The following ARK2N variants were observed in gnomAD, a reference collection of about 807,000 sequenced individuals.
ARK2N encodes the protein arkadia (RNF111) N-terminal like PKA signaling regulator 2N.
chr18:46,238,757 A>G, the ARK2N span, among the ~76,000 whole-genome samples: 2,650 of 152,250 alleles, frequency 0.017, 71 homozygotes, highest in African/African-American at 0.06. Flanking sequence ...GTTTTAAGGG[A>G]TCACTACCCA....
At chr18:46,186,056 G>A in the ARK2N span, among the ~76,000 whole-genome samples, 1 of 152,052 alleles carries the variant, frequency 6.6e-6, no homozygotes, top group East Asian at 1.9e-4. Flanking sequence ...GGACAGGGAG[G>A]GGGGGCATTT....
chr18:46,220,624 G>A, the ARK2N span, among the ~76,000 whole-genome samples: 34 of 152,004 alleles, frequency 2.2e-4, no homozygotes, highest in Non-Finnish European at 3.7e-4. Context: ...TGCATATGTC[G>A]TCCTTTCCTT....
the ARK2N span, among the ~76,000 whole-genome samples, chr18:46,190,035 T>TTTAG: frequency 3.3e-5 from 5 of 152,206 alleles, no homozygotes; most frequent in Admixed American, 2.0e-4. Flanking sequence ...CTTCTAAATA[T>TTTAG]ATCTATCTAA....
At chr18:46,186,715 A>G in the ARK2N span, among the ~76,000 whole-genome samples, 1 of 151,426 alleles carries the variant, frequency 6.6e-6, no homozygotes, top group South Asian at 2.1e-4. Flanking sequence ...TCACTGTGTT[A>G]GCCAGGATGG....
At chr18:46,211,512 C>G in the ARK2N span, among the ~76,000 whole-genome samples, 1 of 152,132 alleles carries the variant, frequency 6.6e-6, no homozygotes, top group Non-Finnish European at 1.5e-5. Context: ...TTATACAACT[C>G]TCACAATAAG....
chr18:46,233,007 G>A, the ARK2N span: 1 of 152,092 alleles, frequency 6.6e-6, no homozygotes, highest in Non-Finnish European at 1.5e-5. Flanking sequence ...AGGTGTTCCT[G>A]AATCAAGAAA....
the ARK2N span, among the ~76,000 whole-genome samples, chr18:46,182,555 G>A: frequency 5.3e-5 from 8 of 151,962 alleles, no homozygotes; most frequent in Non-Finnish European, 1.2e-4. Context: ...ACCAGCCGGG[G>A]CAACAAAGTG....
the ARK2N span, among the ~76,000 whole-genome samples, chr18:46,206,734 C>T: frequency 6.6e-6 from 1 of 151,860 alleles, no homozygotes; most frequent in Non-Finnish European, 1.5e-5. Flanking sequence ...ACCTTTTAAC[C>T]CACTTCTCTT....
the ARK2N span, among the ~76,000 whole-genome samples, chr18:46,233,153 ATTCTTT>A: frequency 6.6e-6 from 1 of 152,152 alleles, no homozygotes. Context: ...AAAAGTCAAG[ATTCTTT>A]TTCTTTAAAC....
the ARK2N span, chr18:46,219,278 T>C: frequency 1.3e-5 from 2 of 152,156 alleles, no homozygotes; most frequent in East Asian, 3.8e-4. Flanking sequence ...TTTGAAGTTT[T>C]TGGAAATATA....
chr18:46,213,257 C>T, the ARK2N span, among the ~76,000 whole-genome samples: 1 of 152,076 alleles, frequency 6.6e-6, no homozygotes, highest in East Asian at 1.9e-4. Context: ...GCCTCGGCCT[C>T]CCAAAGTGCT....
At chr18:46,236,753 T>A in the ARK2N span, among the ~76,000 whole-genome samples, 2 of 152,230 alleles carry the variant, frequency 1.3e-5, no homozygotes, top group Admixed American at 6.5e-5. Context: ...GGAATAATCA[T>A]GTCAGAGCAA....
the ARK2N span, among the ~76,000 whole-genome samples, chr18:46,259,896 TGTGC>T: frequency 3.5e-4 from 30 of 85,412 alleles, 2 homozygotes; most frequent in Non-Finnish European, 4.4e-4. Context: ...TGTGTGTGTG[TGTGC>T]GACAGAGATG....
the ARK2N span, among the ~76,000 whole-genome samples, chr18:46,186,953 C>G: frequency 2.0e-5 from 3 of 151,368 alleles, no homozygotes; most frequent in Non-Finnish European, 4.4e-5. Flanking sequence ...CTCCCGGATT[C>G]AAGTGATTCT....
chr18:46,240,194 C>T, the ARK2N span: 1 of 1,613,950 alleles, frequency 6.2e-7, no homozygotes. Context: ...GCAGGTTGGT[C>T]TTCCCCATCC....
the ARK2N span, among the ~76,000 whole-genome samples, chr18:46,236,776 C>T: frequency 2.0e-5 from 3 of 151,804 alleles, no homozygotes; most frequent in Admixed American, 1.3e-4. Context: ...GCAGTATCCC[C>T]GTGTTTATTC....
At chr18:46,239,960 C>T in the ARK2N span, 1 of 1,567,612 alleles carries the variant, frequency 6.4e-7, no homozygotes. Flanking sequence ...AAGTATTTTT[C>T]ACCCCACACG....
the ARK2N span, among the ~76,000 whole-genome samples, chr18:46,208,908 G>A: frequency 6.6e-6 from 1 of 152,180 alleles, no homozygotes; most frequent in Admixed American, 6.5e-5. Context: ...GGTAATATTA[G>A]TATGTAATTT....
the ARK2N span, among the ~76,000 whole-genome samples, chr18:46,187,912 ACTG>A: frequency 9.7e-3 from 1,479 of 152,296 alleles, 22 homozygotes; most frequent in African/African-American, 0.034. Flanking sequence ...TTTAGACTAA[ACTG>A]CTATGAGGCT....
Sources: allele counts gnomAD v4.1 joint callset (sites outside exome capture counted in the v4.1 genomes callset), GRCh38; gene constraint gnomAD v4.1.1; transcripts MANE v1.5; gene names NCBI Gene and HGNC (gene_info 2026-07-23, HGNC 2026-07-21).